Variants in AHR observed in about 807,000 individuals in gnomAD.
AHR encodes AH-receptor.
In AHR, 40 loss-of-function variants were observed where a neutral mutation model predicts 86.8. That is an observed-to-expected ratio of 0.46 (90% CI 0.36 to 0.60). AHR has a LOEUF of 0.60. AHR is among the 20% of genes least tolerant of loss of function. AHR has a pLI of 0.00. For missense variants in AHR, 1,001 were observed against 1,011.6 expected (o/e 0.99, Z 0.14); for synonymous variants, 398 against 354.9 (o/e 1.12, Z -1.37).
At chr7:17,311,729 C>T (rs1782066286) in intron 2 of AHR, among the ~76,000 whole-genome samples, 1 of 152,066 alleles carries the variant, frequency 6.6e-6, no homozygotes. Flanking sequence ...GCCTCTATAC[C>T]AAACCCTTCA....
intron 9 of AHR, among the ~76,000 whole-genome samples, chr7:17,337,295 A>C (rs1423562336): frequency 6.6e-6 from 1 of 152,052 alleles, no homozygotes; most frequent in East Asian, 1.9e-4. Context: ...ATCCCATGTA[A>C]TCCTATGAAG....
At position 17,339,891 on chromosome 7, in the gene AHR, C is replaced by G; in HGVS notation, c.2066C>G (p.Ser689Cys). Reference sequence around the variant, plus strand: ...ATCAGTCAAGAGTTCCCCTACAAATCTGAAATGGATTCTATGCCTTATACA... The same window carrying G: ...ATCAGTCAAGAGTTCCCCTACAAATGTGAAATGGATTCTATGCCTTATACA... Reference protein sequence around the residue: ...HGISQEFPYKSEMDSMPYTQN... With the variant: ...HGISQEFPYKCEMDSMPYTQN... Residue 689 changes from serine to cysteine, a missense_variant, in exon 10 of 11, where the codon TCT (serine) becomes TGT (cysteine). Physicochemically the swap from Ser to Cys is moderately radical, Grantham distance 112. Transcript: ENST00000242057. 2 of 1,614,212 alleles carry G rather than the reference C, an allele frequency of 1.2e-6. No individual in the cohort carries two copies. The highest frequency in any genetic ancestry group is 1.7e-6 in the Non-Finnish European group (2 of 1,180,026).
intron 1 of AHR, among the ~76,000 whole-genome samples, chr7:17,302,471 A>G (rs1244276243): frequency 6.6e-6 from 1 of 152,020 alleles, no homozygotes; most frequent in Admixed American, 6.6e-5. Context: ...TTATGGTGCC[A>G]TTTTTAAAAT....
At chr7:17,322,163 A>G (rs574828716) in intron 2 of AHR, among the ~76,000 whole-genome samples, 1 of 152,172 alleles carries the variant, frequency 6.6e-6, no homozygotes, top group East Asian at 1.9e-4. Context: ...GTAGGAGTGG[A>G]GAGGAGTGTT....
intron 9 of AHR, 88 bp downstream of exon 9, chr7:17,335,874 T>C (rs1782349764): frequency 8.1e-6 from 11 of 1,350,912 alleles, no homozygotes; most frequent in Non-Finnish European, 1.0e-5. Flanking sequence ...AAGCAGACTT[T>C]AGTCTGTAAA....
intron 3 of AHR, among the ~76,000 whole-genome samples, chr7:17,326,534 A>G (rs1436512425): frequency 6.6e-6 from 1 of 152,210 alleles, no homozygotes; most frequent in Non-Finnish European, 1.5e-5. Context: ...TTCTCAAAGC[A>G]TGGTGATATA....
chr7:17,339,760 G>T lies in AHR; in HGVS notation c.1935G>T (p.Met645Ile), dbSNP rs1269780039. 6.2e-7 allele frequency: 1 copy of T among 1,614,186 alleles called. No homozygotes were observed. The highest frequency in any genetic ancestry group is 8.5e-7 in the Non-Finnish European group (1 of 1,180,030). The change falls in exon 10 of 11, where the codon ATG becomes ATT. Residue 645 changes from methionine to isoleucine, a missense_variant. Physicochemically the swap from Met to Ile is conservative, Grantham distance 10. Coordinates refer to ENST00000242057, the MANE Select transcript of AHR (RefSeq NM_001621.5). ...AGCTGTGTCAGAAGATGAAGCACATGCAAGTTAATGGCATGTTTGAAAATT... is the reference window on the plus strand; with the variant it reads ...AGCTGTGTCAGAAGATGAAGCACATTCAAGTTAATGGCATGTTTGAAAATT... Reference protein sequence around the residue: ...QQQLCQKMKHMQVNGMFENWN... With the variant: ...QQQLCQKMKHIQVNGMFENWN...
chr7:17,333,791 T>G, intron 6 of AHR, 121 bp from the exon 7 acceptor site: 1 of 724,052 alleles, frequency 1.4e-6, no homozygotes, highest in East Asian at 2.7e-5. Context: ...AGTTCTCAGC[T>G]TCAGGAATAT....
chr7:17,328,765 A>G (rs1584038391), intron 4 of AHR, among the ~76,000 whole-genome samples: 1 of 151,940 alleles, frequency 6.6e-6, no homozygotes, highest in Non-Finnish European at 1.5e-5. Flanking sequence ...GGGGGTGTGT[A>G]TATTTCAACT....
At chr7:17,323,787 A>G (rs1782198023) in intron 3 of AHR, among the ~76,000 whole-genome samples, 1 of 152,206 alleles carries the variant, frequency 6.6e-6, no homozygotes, top group Admixed American at 6.5e-5. Flanking sequence ...CTATTAAAGC[A>G]TGAGTCCTCC....
rs1782448613 is a variant in AHR, at chr7:17,343,508, A to G, written c.*444A>G. ...GAGAACTAAACTAGTTTTTCCTATCATGTTAACCTCTGCTTTTATCTCAGA... is the reference window on the plus strand; with the variant it reads ...GAGAACTAAACTAGTTTTTCCTATCGTGTTAACCTCTGCTTTTATCTCAGA... On this transcript the variant is annotated 3_prime_UTR_variant, in exon 11 of 11. Transcript: ENST00000242057. 6.1e-6 allele frequency: 1 copy of G among 163,468 alleles called. No individual in the cohort carries two copies. The highest frequency in any genetic ancestry group is 2.4e-5 in the African/African-American group (1 of 41,530). 10.1% of individuals were successfully genotyped at this position (163,468 alleles called of 1,614,324 possible). A position where few individuals can be genotyped will look rare whatever the true frequency, so the allele number is the denominator to read the frequency against.
intron 1 of AHR, among the ~76,000 whole-genome samples, chr7:17,305,020 AAT>A (rs1367729531): frequency 2.0e-5 from 3 of 152,078 alleles, no homozygotes; most frequent in Non-Finnish European, 2.9e-5. Context: ...CTTCCCTGCT[AAT>A]GTCTTGTGCT....
At chr7:17,334,307 C>T (rs564443512) in intron 7 of AHR, among the ~76,000 whole-genome samples, 193 bp downstream of exon 7, 116 of 152,018 alleles carry the variant, frequency 7.6e-4, no homozygotes, top group South Asian at 5.6e-3. Flanking sequence ...TTAATTTTTG[C>T]AATACTTGTC....
Position 17,315,647 on chromosome 7 carries a change from C to T in AHR, c.253+5524C>T, listed in dbSNP as rs569775727. Reference sequence around the variant, plus strand: ...TTTTTAGAAAATTTTCAAATACAGACATTTAAAAATCTGTAGTTAAGTCTT... The same window carrying T: ...TTTTTAGAAAATTTTCAAATACAGATATTTAAAAATCTGTAGTTAAGTCTT... On this transcript the variant is annotated intron_variant, in intron 2 of 10. Transcript: ENST00000242057. Among the ~76,000 whole-genome samples, 4 of 151,932 alleles carry T rather than the reference C, an allele frequency of 2.6e-5. No individual in the cohort carries two copies. The South Asian group carries it at 8.3e-4, about 32-fold the overall frequency.
chr7:17,330,635 T>C, intron 5 of AHR, 121 bp from the exon 6 acceptor site: 1 of 842,590 alleles, frequency 1.2e-6, no homozygotes, highest in Non-Finnish European at 1.7e-6. Context: ...CTTTTGAAAA[T>C]GATTTTTTTG....
Position 17,334,916 on chromosome 7 carries a change from C to G in AHR, c.938C>G (p.Ala313Gly). 1.2e-6 allele frequency: 2 copies of G among 1,612,536 alleles called. No homozygotes were observed. The highest frequency in any genetic ancestry group is 1.7e-6 in the Non-Finnish European group (2 of 1,179,040). The part of the protein sequence containing the change: ...KGRIVLGYTE[A>G]ELCTRGSGYQ... ...AGAATTGTTTTAGGATATACTGAAG[C>G]AGAGCTGTGCACGAGAGGCTCAGGT... Residue 313 changes from alanine to glycine, a missense_variant, in exon 8 of 11, where the codon GCA becomes GGA. Transcript: ENST00000242057.
At position 17,344,758 on chromosome 7, in the gene AHR, T is replaced by G. The variant is rs1475776078; in HGVS notation, c.*1694T>G. On this transcript the variant is annotated 3_prime_UTR_variant, in exon 11 of 11. Coordinates refer to ENST00000242057, the MANE Select transcript of AHR (RefSeq NM_001621.5). ...GATTCTCTTGCCTCAGCCTCCCGAG[T>G]TGCTGGGATTACAGGCATGTGCCAC... 4 of 151,732 alleles carry G rather than the reference T, an allele frequency of 2.6e-5. No homozygotes were observed. Among genetic ancestry groups the G allele is most frequent in the Non-Finnish European group, 5.9e-5 (4 of 68,032 alleles). 9.4% of individuals were successfully genotyped at this position (151,732 alleles called of 1,614,324 possible).
intron 9 of AHR, 50 bp downstream of exon 9, chr7:17,335,836 C>T (rs754540114): frequency 1.6e-5 from 24 of 1,540,772 alleles, no homozygotes; most frequent in Non-Finnish European, 2.1e-5. Context: ...TTCATAAGTC[C>T]TCTTATGTGA....
intron 3 of AHR, among the ~76,000 whole-genome samples, chr7:17,327,064 A>G (rs1782237646): frequency 6.6e-6 from 1 of 152,084 alleles, no homozygotes; most frequent in Admixed American, 6.6e-5. Context: ...GGCTAATAAA[A>G]AATAATGGAC....
Sources: allele counts gnomAD v4.1 joint callset (sites outside exome capture counted in the v4.1 genomes callset), GRCh38; gene constraint gnomAD v4.1.1; transcripts MANE v1.5; gene names NCBI Gene and HGNC (gene_info 2026-07-23, HGNC 2026-07-21).